CLTCL1: variants seen among roughly 807,000 people sequenced by gnomAD.
The protein encoded by CLTCL1 is clathrin heavy chain like 1.
Under a neutral mutation model 190.0 loss-of-function variants are expected in CLTCL1, and 159 were observed. The observed-to-expected ratio is 0.84, with a 90% confidence interval of 0.74 to 0.95. CLTCL1 has a LOEUF of 0.95. CLTCL1 is among the 40% of genes least tolerant of loss of function. The probability of loss-of-function intolerance (pLI) is 0.00; values close to 1 mark genes in which losing one functional copy is unlikely to be tolerated. For synonymous variants in CLTCL1, 752 were observed against 769.6 expected, an observed-to-expected ratio of 0.98 and a Z score of 0.38; for missense variants, 1,878 against 2,033.4, an observed-to-expected ratio of 0.92 and a Z score of 1.47.
At chr22:19,280,169 T>C (rs1180343909) in intron 1 of CLTCL1, among the ~76,000 whole-genome samples, 1 of 152,184 alleles carries the variant, frequency 6.6e-6, no homozygotes, top group Non-Finnish European at 1.5e-5. Context: ...ACATTTGTGT[T>C]AAGTATAAAA....
At chr22:19,253,872 C>G (rs781969591) in intron 3 of CLTCL1, 87 bp downstream of exon 3, 22 of 1,497,838 alleles carry the variant, frequency 1.5e-5, no homozygotes, top group Non-Finnish European at 1.7e-5. Context: ...GGCCCTATAA[C>G]CAACTTCTAA....
intron 2 of CLTCL1, among the ~76,000 whole-genome samples, chr22:19,269,939 AG>A (rs1244648218): frequency 2.7e-5 from 4 of 150,246 alleles, no homozygotes; most frequent in African/African-American, 9.9e-5. Flanking sequence ...TGGAACTTAA[AG>A]TAAAATTAAA....
At chr22:19,229,243 C>T (rs1254046035) in intron 11 of CLTCL1, among the ~76,000 whole-genome samples, 1 of 152,192 alleles carries the variant, frequency 6.6e-6, no homozygotes, top group Non-Finnish European at 1.5e-5. Flanking sequence ...ACATGGTGGA[C>T]TATTACTCAG....
At chr22:19,233,094 A>C in intron 9 of CLTCL1, 72 bp downstream of exon 9, 1 of 1,501,510 alleles carries the variant, frequency 6.7e-7, no homozygotes, top group Admixed American at 1.9e-5. Flanking sequence ...GTATTTTATA[A>C]ACTTTAAAAT....
chr22:19,257,898 T>G lies in CLTCL1; in HGVS notation c.251-3671A>C. On this transcript the variant is annotated intron_variant, in intron 2 of 32. Transcript: ENST00000427926. Reference sequence around the variant, plus strand: ...GAAGAAGAGACCCCAGGTCAGAGACTGGGCCATTACTTCAAGACCACTGAG... The same window carrying G: ...GAAGAAGAGACCCCAGGTCAGAGACGGGGCCATTACTTCAAGACCACTGAG... 3.7e-6 allele frequency: 5 copies of G among 1,358,020 alleles called. No homozygotes were observed. The South Asian group carries it at 5.6e-5, about 15-fold the overall frequency. The allele number at this position is 1,358,020 out of a possible 1,614,324, so 84.1% of individuals were successfully genotyped here.
At chr22:19,215,845 G>A (rs1436636583) in intron 19 of CLTCL1, among the ~76,000 whole-genome samples, 1 of 152,174 alleles carries the variant, frequency 6.6e-6, no homozygotes, top group Non-Finnish European at 1.5e-5. Flanking sequence ...TGAGCATTGT[G>A]TTAAAGGACA....
chr22:19,280,993 G>A (rs893976715), intron 1 of CLTCL1, among the ~76,000 whole-genome samples: 1 of 151,284 alleles, frequency 6.6e-6, no homozygotes, highest in Non-Finnish European at 1.5e-5. Context: ...CATTTTACAA[G>A]ATGAAAAGAG....
chr22:19,223,475 C>G (rs1199892320), intron 14 of CLTCL1, among the ~76,000 whole-genome samples: 3 of 152,108 alleles, frequency 2.0e-5, no homozygotes, highest in Admixed American at 2.0e-4. Flanking sequence ...AGCCATGAAG[C>G]TGGTCCTTGA....
chr22:19,222,172 T>G, intron 15 of CLTCL1, 79 bp from the exon 16 acceptor site: 1 of 1,480,648 alleles, frequency 6.8e-7, no homozygotes, highest in East Asian at 2.3e-5. Flanking sequence ...GTGGACAGTT[T>G]GGGCAAAACC....
At chr22:19,283,133 A>G (rs1313353586) in intron 1 of CLTCL1, among the ~76,000 whole-genome samples, 7 of 151,524 alleles carry the variant, frequency 4.6e-5, no homozygotes, top group Non-Finnish European at 8.8e-5. Flanking sequence ...CGGCCTCCCA[A>G]AGTGCTGGGA....
At chr22:19,195,864 A>G (rs2084682975) in intron 26 of CLTCL1, among the ~76,000 whole-genome samples, 1 of 152,146 alleles carries the variant, frequency 6.6e-6, no homozygotes, top group Admixed American at 6.5e-5. Flanking sequence ...AACTAAAAAA[A>G]AAAAAGGTCC....
intron 1 of CLTCL1, among the ~76,000 whole-genome samples, chr22:19,277,445 T>TTA (rs1162980016): frequency 6.6e-6 from 1 of 152,112 alleles, no homozygotes; most frequent in Non-Finnish European, 1.5e-5. Flanking sequence ...TATTCCATTT[T>TTA]AACACAGAAA....
chr22:19,259,136 G>A (rs538773372), intron 2 of CLTCL1, among the ~76,000 whole-genome samples: 1 of 152,036 alleles, frequency 6.6e-6, no homozygotes, highest in Non-Finnish European at 1.5e-5. Flanking sequence ...ACAGCGTTTC[G>A]CTCTTGTTGC....
chr22:19,229,936 A>C lies in CLTCL1; in HGVS notation c.1684T>G (p.Cys562Gly). Residue 562 changes from cysteine to glycine, a missense_variant, in exon 11 of 33, where the codon TGT (cysteine) becomes GGT (glycine). Transcript: ENST00000427926. ...IFMENSLIQQ[C>G]TSFLLDALKN... Reference sequence around the variant, plus strand: ...AAGGCATCCAATAAGAAGGAAGTACACTGCTGAATTAAACTGTTTTCCATG... The same window carrying C: ...AAGGCATCCAATAAGAAGGAAGTACCCTGCTGAATTAAACTGTTTTCCATG... The C allele has an allele frequency of 6.2e-7, 1 of 1,611,272 alleles. No homozygotes were observed. The highest frequency in any genetic ancestry group is 1.6e-4 in the Middle Eastern group (1 of 6,062).
Position 19,270,367 on chromosome 22 carries a change from C to A in CLTCL1, c.250+5256G>T, listed in dbSNP as rs536505369. ...TGAGGAAACTTTCTGGGGTTGCAGA[C>A]ATGTTCCAAAACTGTATTGTAGAGA... is the stretch of plus-strand genomic sequence containing the variant. On this transcript the variant is annotated intron_variant, in intron 2 of 32. Coordinates refer to ENST00000427926, the MANE Select transcript of CLTCL1 (RefSeq NM_007098.4). 2.6e-5 allele frequency among the ~76,000 whole-genome samples: 4 copies of A among 152,130 alleles called. No homozygotes were observed. In the East Asian group the frequency reaches 7.7e-4, roughly 29 times the overall value.
Position 19,234,724 on chromosome 22 carries a change from G to GT in CLTCL1, c.970-19dup. 5 of 1,608,380 alleles carry GT rather than the reference G, an allele frequency of 3.1e-6. No homozygotes were observed. Among genetic ancestry groups the GT allele is most frequent in the Non-Finnish European group, 4.3e-6 (5 of 1,175,110 alleles). ...GACAGTACCTGTAAGGACACAACAAGTGAGAGCAGCCCGGCCTAGAAGAGT... is the reference window on the plus strand; with the variant it reads ...GACAGTACCTGTAAGGACACAACAAGTTGAGAGCAGCCCGGCCTAGAAGAGT... On this transcript the variant is annotated intron_variant, in intron 6 of 32. Transcript: ENST00000427926.
intron 27 of CLTCL1, among the ~76,000 whole-genome samples, chr22:19,188,654 C>T (rs1452511871): frequency 6.6e-6 from 1 of 151,290 alleles, no homozygotes; most frequent in Non-Finnish European, 1.5e-5. Context: ...GCTCGTCGCC[C>T]ACACTGGAGT....
rs200020789 is a variant in CLTCL1 at position 19,253,705 on chromosome 22, CTT to C, written c.519+252_519+253del. Among the ~76,000 whole-genome samples, 9 of 146,742 alleles carry C rather than the reference CTT, an allele frequency of 6.1e-5. No individual in the cohort carries two copies. The South Asian group carries it at 6.5e-4, about 11-fold the overall frequency. On this transcript the variant is annotated intron_variant, in intron 3 of 32. Coordinates refer to ENST00000427926, the MANE Select transcript of CLTCL1 (RefSeq NM_007098.4). ...ACTTTTGCCTTATACCTATAACCAA[CTT>C]TTTTTTTTTTTGAGACAGGGTCTTG...
intron 5 of CLTCL1, 59 bp downstream of exon 5, chr22:19,239,216 G>T: frequency 7.6e-7 from 1 of 1,318,056 alleles, no homozygotes; most frequent in Non-Finnish European, 1.1e-6. Flanking sequence ...CCTGTATCTT[G>T]GGAGGTGCTA....
Sources: gnomAD v4.1 joint callset for allele counts (sites outside exome capture counted in the v4.1 genomes callset) on GRCh38, gnomAD v4.1.1 for gene constraint, MANE v1.5 for transcripts, NCBI Gene and HGNC (gene_info 2026-07-23, HGNC 2026-07-21) for gene names.